NCOA2: variants seen among roughly 807,000 people sequenced by gnomAD.
NCOA2 encodes nuclear receptor coactivator 2.
Under a neutral mutation model 145.1 loss-of-function variants are expected in NCOA2, and 21 were observed. The ratio of observed to expected loss-of-function variants is 0.14; its 90% CI spans 0.10 to 0.21. The LOEUF (loss-of-function observed/expected upper bound fraction) is 0.21. NCOA2 is among the 10% of genes least tolerant of loss of function. The pLI is 1.00. For missense variants in NCOA2, 1,472 were observed against 1,837.6 expected, an observed-to-expected ratio of 0.80 and a Z score of 3.64; for synonymous variants, 619 against 637.5, an observed-to-expected ratio of 0.97 and a Z score of 0.44.
chr8:70,340,608 G>T (rs960475101), intron 1 of NCOA2, among the ~76,000 whole-genome samples: 2 of 152,076 alleles, frequency 1.3e-5, no homozygotes, highest in East Asian at 1.9e-4. Context: ...ACACCCAAAG[G>T]AATATAAATC....
the NCOA2 span, among the ~76,000 whole-genome samples, chr8:70,447,682 C>CTTT: frequency 8.8e-5 from 10 of 113,064 alleles, no homozygotes; most frequent in South Asian, 2.9e-4. Flanking sequence ...TCTTTGTTTT[C>CTTT]TTTTTTTTTT....
At chr8:70,360,255 G>C (rs925618923) in intron 1 of NCOA2, among the ~76,000 whole-genome samples, 1 of 152,058 alleles carries the variant, frequency 6.6e-6, no homozygotes, top group Non-Finnish European at 1.5e-5. Context: ...GTCCCTTTTA[G>C]CCATATGTTT....
Position 70,128,986 on chromosome 8 carries a change from G to C in NCOA2, c.3325-6C>G. On this transcript the variant is annotated splice_region_variant and splice_polypyrimidine_tract_variant and intron_variant, in intron 16 of 22. Transcript: ENST00000452400. The stretch of plus-strand genomic sequence containing the variant: ...TCTGGATCTACTGCTTGGCTCTGGA[G>C]AGAAAGTCCCAAATAACAAACAAAT... 6.3e-7 allele frequency: 1 copy of C among 1,588,510 alleles called. No homozygotes were observed. Among genetic ancestry groups the C allele is most frequent in the Non-Finnish European group, 8.6e-7 (1 of 1,166,064 alleles).
intron 5 of NCOA2, among the ~76,000 whole-genome samples, chr8:70,174,187 A>G (rs1814575883): frequency 1.3e-5 from 2 of 152,244 alleles, no homozygotes; most frequent in African/African-American, 2.4e-5. Context: ...TGTACTTTAC[A>G]AACTGTAGAC....
At chr8:70,153,089 C>T (rs2132135071) in intron 11 of NCOA2, among the ~76,000 whole-genome samples, 1 of 152,248 alleles carries the variant, frequency 6.6e-6, no homozygotes, top group South Asian at 2.1e-4. Flanking sequence ...ATGCACACTT[C>T]CTGTGGTAAC....
rs966612216 is a variant in NCOA2, at chr8:70,138,085, C to G, written c.3158+118G>C. ...TCACCCCTCCTCTTCATGCACTGCA[C>G]AGTAGATAATATAGTACCAATAAAT... On this transcript the variant is annotated intron_variant, in intron 15 of 22. Coordinates refer to ENST00000452400, the MANE Select transcript of NCOA2 (RefSeq NM_006540.4). The G allele has an allele frequency of 4.5e-6, 5 of 1,105,782 alleles. No homozygotes were observed. In the African/African-American group the frequency reaches 7.9e-5, roughly 18 times the overall value. The allele number at this position is 1,105,782 out of a possible 1,614,324, so 68.5% of individuals were successfully genotyped here. A position where few individuals can be genotyped will look rare whatever the true frequency, so the allele number is the denominator to read the frequency against.
chr8:70,281,082 G>A (rs571696164), intron 2 of NCOA2, among the ~76,000 whole-genome samples: 4 of 152,146 alleles, frequency 2.6e-5, no homozygotes, highest in African/African-American at 7.2e-5. Context: ...GGCTGGGCAT[G>A]GTGGCTCATG....
chr8:70,345,741 T>C (rs1808559693), intron 1 of NCOA2, among the ~76,000 whole-genome samples: 2 of 152,204 alleles, frequency 1.3e-5, no homozygotes, highest in Non-Finnish European at 2.9e-5. Context: ...TTAAGTAATT[T>C]AGGCAAAATG....
Position 70,156,319 on chromosome 8 carries a change from C to A in NCOA2, c.2046G>T (p.Ser682=), listed in dbSNP as rs1478115995. ...GCAAAATTTTATGCTTCTCCTTGAGCGAGGTTCCATGTGTAGACCCAGAAC... is the reference window on the plus strand; with the variant it reads ...GCAAAATTTTATGCTTCTCCTTGAGAGAGGTTCCATGTGTAGACCCAGAAC... ...LPGSGSTHGT[S]LKEKHKILHR... Residue 682 remains serine, a synonymous_variant, in exon 11 of 23, where the codon TCG becomes TCT. Transcript: ENST00000452400. 6.2e-7 allele frequency: 1 copy of A among 1,613,864 alleles called. No individual in the cohort carries two copies. Among genetic ancestry groups the A allele is most frequent in the South Asian group, 1.1e-5 (1 of 91,064 alleles).
At chr8:70,336,603 A>G (rs960219252) in intron 1 of NCOA2, among the ~76,000 whole-genome samples, 1 of 132,856 alleles carries the variant, frequency 7.5e-6, no homozygotes, top group African/African-American at 3.5e-5. Flanking sequence ...GGAGAGACAG[A>G]GACAGAGAGG....
At chr8:70,293,096 A>G in intron 2 of NCOA2, among the ~76,000 whole-genome samples, 1 of 152,208 alleles carries the variant, frequency 6.6e-6, no homozygotes, top group East Asian at 1.9e-4. Context: ...TGTCATTTGA[A>G]GAAAATACCA....
At chr8:70,318,077 A>G (rs1446814778) in intron 1 of NCOA2, among the ~76,000 whole-genome samples, 1 of 152,244 alleles carries the variant, frequency 6.6e-6, no homozygotes, top group African/African-American at 2.4e-5. Flanking sequence ...CCACAAAAAC[A>G]AAGGAACATT....
the NCOA2 span, among the ~76,000 whole-genome samples, chr8:70,447,494 C>G: frequency 6.6e-6 from 1 of 152,090 alleles, no homozygotes; most frequent in African/African-American, 2.4e-5. Flanking sequence ...TGTTCGCCAT[C>G]CAAGAGATGT....
intron 22 of NCOA2, among the ~76,000 whole-genome samples, chr8:70,120,513 G>T (rs1203988034): frequency 6.6e-6 from 1 of 152,112 alleles, no homozygotes; most frequent in Non-Finnish European, 1.5e-5. Flanking sequence ...CTGAGGTCAG[G>T]AGTTCAAGAC....
intron 1 of NCOA2, among the ~76,000 whole-genome samples, chr8:70,345,738 AT>A (rs1222242844): frequency 6.6e-6 from 1 of 152,176 alleles, no homozygotes; most frequent in African/African-American, 2.4e-5. Context: ...TGTTTAAGTA[AT>A]TTAGGCAAAA....
At chr8:70,442,341 C>G in the NCOA2 span, among the ~76,000 whole-genome samples, 4 of 152,068 alleles carry the variant, frequency 2.6e-5, no homozygotes, top group Non-Finnish European at 4.4e-5. Context: ...TTACCAACTT[C>G]CTCAGGTTAT....
intron 2 of NCOA2, among the ~76,000 whole-genome samples, chr8:70,267,608 C>T (rs769917263): frequency 5.3e-5 from 8 of 151,660 alleles, no homozygotes; most frequent in Non-Finnish European, 7.4e-5. Flanking sequence ...GATGGGGTTT[C>T]GCCATGTTAC....
At chr8:70,271,555 T>G (rs1324031572) in intron 2 of NCOA2, among the ~76,000 whole-genome samples, 1 of 152,248 alleles carries the variant, frequency 6.6e-6, no homozygotes, top group Non-Finnish European at 1.5e-5. Context: ...TGAAAGTTGC[T>G]CTCACTAGAC....
intron 1 of NCOA2, among the ~76,000 whole-genome samples, chr8:70,363,188 C>T (rs888739499): frequency 2.0e-5 from 3 of 151,658 alleles, no homozygotes; most frequent in African/African-American, 7.3e-5. Flanking sequence ...TCGAGACCAT[C>T]CTGGCTAACA....
Sources: allele counts gnomAD v4.1 joint callset (sites outside exome capture counted in the v4.1 genomes callset), GRCh38; gene constraint gnomAD v4.1.1; transcripts MANE v1.5; gene names NCBI Gene and HGNC (gene_info 2026-07-23, HGNC 2026-07-21).